The following ACSL1 variants were observed in gnomAD, a reference collection of about 807,000 sequenced individuals.
The protein encoded by ACSL1 is acyl-CoA synthetase long chain family member 1, also known as long-chain-fatty-acid--CoA ligase 1.
A neutral mutation model predicts 98.4 loss-of-function variants in ACSL1; 41 were observed. The observed-to-expected ratio is 0.42, with a 90% CI of 0.32 to 0.54. The LOEUF is 0.54. ACSL1 is among the 20% of genes least tolerant of loss of function. The pLI, the probability that ACSL1 is intolerant of heterozygous loss-of-function variation, is 0.13. For missense variants in ACSL1, 734 were observed against 883.1 expected (o/e 0.83, Z 2.14); for synonymous variants, 316 against 322.7 (o/e 0.98, Z 0.22).
At chr4:184,812,031 G>T in intron 1 of ACSL1, 1 of 341,586 alleles carries the variant, frequency 2.9e-6, no homozygotes, top group Non-Finnish European at 4.1e-6. Context: ...AGGAGGCGGC[G>T]GTTCCACAAC....
At chr4:184,790,264 C>A (rs553190209) in intron 2 of ACSL1, among the ~76,000 whole-genome samples, 105 of 152,222 alleles carry the variant, frequency 6.9e-4, no homozygotes, top group African/African-American at 2.4e-3. Flanking sequence ...TTTTTGTCCA[C>A]CCTTAAGTTA....
At chr4:184,760,872 C>G (rs1008451981) in intron 17 of ACSL1, among the ~76,000 whole-genome samples, 2 of 152,242 alleles carry the variant, frequency 1.3e-5, no homozygotes, top group African/African-American at 4.8e-5. Context: ...TCCTTAATAG[C>G]AGGAACACAA....
At position 184,788,350 on chromosome 4, in the gene ACSL1, A is replaced by T. The variant is rs1203045515; in HGVS notation, c.310+267T>A. On this transcript the variant is annotated intron_variant, in intron 3 of 20. Transcript: ENST00000281455. ...TTTATTGCAGGAAACGTCAGAGCCT[A>T]TTGTGCACTGGTGTAACATGTGACT... The T allele has an allele frequency of 1.1e-5, 6 of 555,570 alleles. No homozygotes were observed. The Admixed American group carries it at 1.3e-4, about 12-fold the overall frequency. The allele number at this position is 555,570 out of a possible 1,614,324, so 34.4% of individuals were successfully genotyped here.
At chr4:184,762,671 A>C in intron 16 of ACSL1, 148 bp from the exon 17 acceptor site, 1 of 700,958 alleles carries the variant, frequency 1.4e-6, no homozygotes, top group South Asian at 1.7e-5. Context: ...CCAGAGCCCC[A>C]CCAGGGTCTG....
Position 184,760,196 on chromosome 4 carries a change from C to T in ACSL1, c.1782+161G>A, listed in dbSNP as rs78816084. 2.0e-5 allele frequency among the ~76,000 whole-genome samples: 3 copies of T among 152,072 alleles called. No homozygotes were observed. In the South Asian group the frequency reaches 6.2e-4, roughly 32 times the overall value. ...AACAAATTTTCCTGAGCAGGAAATG[C>T]CAAGCAACAAAAATCAGTAACAGGT... On this transcript the variant is annotated intron_variant, in intron 18 of 20. Coordinates refer to ENST00000281455, the MANE Select transcript of ACSL1 (RefSeq NM_001995.5).
chr4:184,775,222 C>T (rs1387485271), intron 7 of ACSL1, among the ~76,000 whole-genome samples: 1 of 152,094 alleles, frequency 6.6e-6, no homozygotes, highest in Admixed American at 6.5e-5. Context: ...GATCTCTTCA[C>T]CTTTTGCTCA....
chr4:184,812,323 C>T (rs1023112996), intron 1 of ACSL1: 3 of 678,638 alleles, frequency 4.4e-6, no homozygotes, highest in South Asian at 6.5e-5. Flanking sequence ...TGATTCTGAC[C>T]GTGTCAGACC....
Position 184,803,493 on chromosome 4 carries a change from G to A in ACSL1, c.22C>T (p.Arg8Trp), listed in dbSNP as rs376614568. 1.1e-5 allele frequency: 17 copies of A among 1,599,848 alleles called. No homozygotes were observed. In the Admixed American group the frequency reaches 1.2e-4, roughly 11 times the overall value. Residue 8 changes from arginine to tryptophan, a missense_variant, in exon 2 of 21, where the codon CGG (arginine) becomes TGG (tryptophan). Physicochemically the swap from Arg to Trp is moderately radical, Grantham distance 101. Transcript: ENST00000281455. The surrounding 1 kb of genome is among the most constrained non-coding windows in gnomAD (Gnocchi z 4.8). MQAHELFRYFRMPELVDF... is the reference protein window; with the variant it reads MQAHELFWYFRMPELVDF... ...ACCAGCTCTGGCATTCGAAAATACC[G>A]GAACAGCTCATGGGCTTGCATTGTC...
chr4:184,801,799 G>C (rs1233066109), intron 2 of ACSL1, among the ~76,000 whole-genome samples: 1 of 152,166 alleles, frequency 6.6e-6, no homozygotes, highest in African/African-American at 2.4e-5. Flanking sequence ...AACTGTTCTA[G>C]AGAGAACATA....
chr4:184,779,622 T>A (rs4069938), intron 5 of ACSL1, among the ~76,000 whole-genome samples: 1 of 151,850 alleles, frequency 6.6e-6, no homozygotes, highest in Non-Finnish European at 1.5e-5. Context: ...AGGGAAAGCC[T>A]CATACCTTTC....
chr4:184,765,235 G>A (rs565542303), intron 14 of ACSL1, among the ~76,000 whole-genome samples: 2 of 152,230 alleles, frequency 1.3e-5, no homozygotes, highest in South Asian at 4.1e-4. Flanking sequence ...CACATGCCCC[G>A]TCTGCCACCA....
intron 11 of ACSL1, 37 bp downstream of exon 11, chr4:184,770,362 A>G: frequency 6.2e-7 from 1 of 1,609,046 alleles, no homozygotes; most frequent in African/African-American, 1.3e-5. Context: ...AGCAGAACAT[A>G]CACAAACAAG....
chr4:184,819,778 G>A (rs1400836052), intron 1 of ACSL1, among the ~76,000 whole-genome samples: 1 of 152,098 alleles, frequency 6.6e-6, no homozygotes. Flanking sequence ...TTCTGCTTAG[G>A]AGGGATTTGA....
Position 184,776,896 on chromosome 4 carries a change from T to G in ACSL1, c.565A>C (p.Ile189Leu), listed in dbSNP as rs771472673. Reference protein sequence around the residue: ...DTLGNEAITYIVNKAELSLVF... With the variant: ...DTLGNEAITYLVNKAELSLVF... The stretch of plus-strand genomic sequence containing the variant: ...ATCACAGACGTACCTTTGTTGACTA[T>G]GTACGTGATGGCTTCATTTCCAAGG... The change falls in exon 6 of 21, where the codon ATA (isoleucine) becomes CTA (leucine). Residue 189 changes from isoleucine (I) to leucine (L), a missense_variant. Physicochemically the swap from Ile to Leu is conservative, Grantham distance 5. Coordinates refer to ENST00000281455, the MANE Select transcript of ACSL1 (RefSeq NM_001995.5). The G allele has an allele frequency of 1.9e-6, 3 of 1,614,040 alleles. No individual in the cohort carries two copies. In the South Asian group the frequency reaches 3.3e-5, roughly 18 times the overall value.
At chr4:184,813,014 C>T (rs1197941392) in intron 1 of ACSL1, among the ~76,000 whole-genome samples, 3 of 152,114 alleles carry the variant, frequency 2.0e-5, no homozygotes, top group African/African-American at 7.2e-5. Flanking sequence ...AGGATATGCC[C>T]AACATTCTCC....
chr4:184,820,654 G>T (rs1772997705), intron 1 of ACSL1, among the ~76,000 whole-genome samples: 1 of 152,030 alleles, frequency 6.6e-6, no homozygotes, highest in Admixed American at 6.6e-5. Context: ...ACCCAGGCTG[G>T]AGTGCTGTGG....
chr4:184,760,245 C>T (rs1579827659), intron 18 of ACSL1, 112 bp downstream of exon 18: 2 of 1,234,758 alleles, frequency 1.6e-6, no homozygotes, highest in South Asian at 3.0e-5. Flanking sequence ...GCAGATTAGA[C>T]ATGAAAGCCA....
At chr4:184,777,112 C>A in intron 5 of ACSL1, 129 bp from the exon 6 acceptor site, 1 of 765,016 alleles carries the variant, frequency 1.3e-6, no homozygotes. Flanking sequence ...GTGTTAGCTA[C>A]TACTCTGTGC....
intron 1 of ACSL1, among the ~76,000 whole-genome samples, chr4:184,814,263 C>T (rs1772407076): frequency 7.0e-6 from 1 of 142,940 alleles, no homozygotes; most frequent in South Asian, 2.2e-4. Context: ...TGCTCTCCAG[C>T]CTGGGCGACA....
Sources: allele counts gnomAD v4.1 joint callset (sites outside exome capture counted in the v4.1 genomes callset), GRCh38; gene constraint gnomAD v4.1.1; non-coding constraint Gnocchi (gnomAD v3.1); transcripts MANE v1.5; gene names NCBI Gene and HGNC (gene_info 2026-07-23, HGNC 2026-07-21).